Variants in CFAP58 observed in about 807,000 individuals in gnomAD.
CFAP58 encodes the protein cilia- and flagella-associated protein 58.
Under a neutral mutation model 119.5 loss-of-function variants are expected in CFAP58, and 88 were observed. The ratio of observed to expected loss-of-function variants is 0.74; its 90% CI spans 0.62 to 0.88. The LOEUF is 0.88. Ranked by LOEUF, CFAP58 falls within the 40% of genes least tolerant of loss-of-function variation. The pLI is 0.00. For missense variants in CFAP58, 990 were observed against 1,021.2 expected, an observed-to-expected ratio of 0.97 and a Z score of 0.42; for synonymous variants, 365 against 366.3, an observed-to-expected ratio of 1.00 and a Z score of 0.04.
chr10:104,380,059 A>G lies in CFAP58; in HGVS notation c.1204A>G (p.Lys402Glu). Reference sequence around the variant, plus strand: ...GCTTAAGGCGGTCAATGCGACCCAGAAGCAGACAGACTTGGTAAAGCTCCA... The same window carrying G: ...GCTTAAGGCGGTCAATGCGACCCAGGAGCAGACAGACTTGGTAAAGCTCCA... ...NMLKAVNATQKQTDLVKLHEQ... is the reference protein window; with the variant it reads ...NMLKAVNATQEQTDLVKLHEQ... The change falls in exon 9 of 18, where the codon AAG (lysine) becomes GAG (glutamate). Residue 402 changes from lysine to glutamate, a missense_variant. Lys to Glu is a moderately conservative substitution (Grantham distance 56). Transcript: ENST00000369704. The G allele has an allele frequency of 6.2e-7, 1 of 1,614,080 alleles. No homozygotes were observed. Among genetic ancestry groups the G allele is most frequent in the South Asian group, 1.1e-5 (1 of 91,074 alleles).
the CFAP58 span, among the ~76,000 whole-genome samples, chr10:104,346,015 T>C: frequency 1.3e-5 from 2 of 152,218 alleles, no homozygotes; most frequent in East Asian, 1.9e-4. Flanking sequence ...CTCATGGTTC[T>C]GCAGGCTGTG....
intron 14 of CFAP58, among the ~76,000 whole-genome samples, chr10:104,404,617 C>G (rs543688659): frequency 6.8e-6 from 1 of 147,624 alleles, no homozygotes; most frequent in Non-Finnish European, 1.5e-5. Flanking sequence ...TTTTGTTTTT[C>G]TTTTTTTTTT....
At chr10:104,365,769 G>A in intron 4 of CFAP58, 45 bp from the exon 5 acceptor site, 1 of 1,547,166 alleles carries the variant, frequency 6.5e-7, no homozygotes, top group Non-Finnish European at 8.7e-7. Context: ...ACCTGCCATG[G>A]TCAGGGCTCA....
chr10:104,357,890 A>T (rs2007690), intron 1 of CFAP58, among the ~76,000 whole-genome samples: 2,021 of 132,450 alleles, frequency 0.015, 164 homozygotes, highest in African/African-American at 0.064. Flanking sequence ...CACATATATA[A>T]ACATATATGT....
At chr10:104,368,593 T>C (rs1213117072) in intron 6 of CFAP58, 33 bp downstream of exon 6, 3 of 1,611,288 alleles carry the variant, frequency 1.9e-6, no homozygotes, top group Non-Finnish European at 1.7e-6. Flanking sequence ...GTTCCCTAGC[T>C]CTTTCTTCCT....
chr10:104,426,905 T>G (rs960102644), intron 15 of CFAP58, among the ~76,000 whole-genome samples: 4 of 152,248 alleles, frequency 2.6e-5, no homozygotes, highest in Admixed American at 6.5e-5. Context: ...CAATTTGTTT[T>G]TATTTCCTCA....
intron 7 of CFAP58, among the ~76,000 whole-genome samples, chr10:104,372,975 C>A (rs1170050823): frequency 6.6e-6 from 1 of 151,878 alleles, no homozygotes. Flanking sequence ...ACCACAGAAA[C>A]CAAGAAATAA....
At chr10:104,447,881 A>T (rs1302216442) in intron 16 of CFAP58, 64 bp downstream of exon 16, 4 of 1,507,858 alleles carry the variant, frequency 2.7e-6, no homozygotes, top group Non-Finnish European at 2.7e-6. Flanking sequence ...GCACACCTGG[A>T]CAAGTCCACT....
chr10:104,400,965 C>T, intron 13 of CFAP58, 62 bp downstream of exon 13: 2 of 1,199,080 alleles, frequency 1.7e-6, no homozygotes, highest in Non-Finnish European at 2.4e-6. Context: ...CCTAAAATCA[C>T]TTCGTAGTCA....
intron 9 of CFAP58, 52 bp downstream of exon 9, chr10:104,380,272 G>A (rs368717762): frequency 9.0e-5 from 131 of 1,459,580 alleles, no homozygotes; most frequent in Middle Eastern, 2.3e-4. Context: ...TCCTTCCTCC[G>A]CATTTCTGAT....
In CFAP58 at chr10:104,454,405, C is replaced by T. The variant is rs1239686419; in HGVS notation, c.2511-17C>T. 2.5e-6 allele frequency: 4 copies of T among 1,585,322 alleles called. No individual in the cohort carries two copies. Among genetic ancestry groups the T allele is most frequent in the Non-Finnish European group, 3.5e-6 (4 of 1,154,274 alleles). On this transcript the variant is annotated splice_polypyrimidine_tract_variant and intron_variant, in intron 17 of 17. Transcript: ENST00000369704. The stretch of plus-strand genomic sequence containing the variant: ...AAAGGATGTTAAGGAAGCTAACTTT[C>T]ACCTCCTCTCTTACAGAAACAAGGA...
intron 11 of CFAP58, among the ~76,000 whole-genome samples, chr10:104,399,096 A>G (rs2133040905): frequency 6.6e-6 from 1 of 152,318 alleles, no homozygotes; most frequent in African/African-American, 2.4e-5. Context: ...ACACATATAT[A>G]GAAAAATGAT....
intron 15 of CFAP58, among the ~76,000 whole-genome samples, chr10:104,416,278 C>T (rs1387243568): frequency 6.6e-6 from 1 of 152,118 alleles, no homozygotes; most frequent in East Asian, 1.9e-4. Flanking sequence ...AGAAAACTGC[C>T]TTGGTGGAGT....
intron 6 of CFAP58, among the ~76,000 whole-genome samples, chr10:104,369,168 GA>G (rs924079652): frequency 6.6e-6 from 1 of 151,896 alleles, no homozygotes; most frequent in Non-Finnish European, 1.5e-5. Flanking sequence ...CTTTAATTCT[GA>G]AAAAAATCCA....
At chr10:104,403,705 C>A in intron 13 of CFAP58, 24 bp from the exon 14 acceptor site, 1 of 1,523,160 alleles carries the variant, frequency 6.6e-7, no homozygotes, top group Non-Finnish European at 9.0e-7. Flanking sequence ...TAATTCTTTG[C>A]AAAATCAAGT....
At chr10:104,420,088 C>T (rs1309185957) in intron 15 of CFAP58, among the ~76,000 whole-genome samples, 2 of 150,460 alleles carry the variant, frequency 1.3e-5, no homozygotes, top group East Asian at 3.9e-4. Context: ...TCTGGTCTCC[C>T]TTAAGGGAGC....
At chr10:104,351,411 A>G (rs2014458099), upstream of CFAP58, among the ~76,000 whole-genome samples, 1 of 152,252 alleles carries the variant, frequency 6.6e-6, no homozygotes. Context: ...AGACAAAGCA[A>G]TCTTAACACA....
At chr10:104,400,239 C>T (rs1357111516) in intron 12 of CFAP58, among the ~76,000 whole-genome samples, 1 of 152,140 alleles carries the variant, frequency 6.6e-6, no homozygotes, top group Non-Finnish European at 1.5e-5. Context: ...CTTCTCCTCC[C>T]AGGCTCCAGT....
In CFAP58 at chr10:104,366,125, T is replaced by G. The variant is rs528569531; in HGVS notation, c.792+117T>G. On this transcript the variant is annotated intron_variant, in intron 5 of 17. Transcript: ENST00000369704. The stretch of plus-strand genomic sequence containing the variant: ...AGCAGCAAATTCCCTTCACTACTCG[T>G]GCTGATGATGTAAAACTTAGCACTG... The G allele has an allele frequency of 4.4e-6, 4 of 911,684 alleles. No individual in the cohort carries two copies. The Admixed American group carries it at 1.2e-4, about 28-fold the overall frequency. 56.5% of individuals were successfully genotyped at this position (911,684 alleles called of 1,614,324 possible).
Sources: allele counts gnomAD v4.1 joint callset (sites outside exome capture counted in the v4.1 genomes callset), GRCh38; gene constraint gnomAD v4.1.1; transcripts MANE v1.5; gene names NCBI Gene and HGNC (gene_info 2026-07-23, HGNC 2026-07-21).